The following TIMP3 variants were observed in gnomAD, a reference collection of about 807,000 sequenced individuals.
The protein encoded by TIMP3 is metalloproteinase inhibitor 3.
A neutral mutation model predicts 30.0 loss-of-function variants in TIMP3; 11 were observed. That is an observed-to-expected ratio of 0.37 (90% confidence interval 0.23 to 0.61). TIMP3 has a LOEUF of 0.61. Ranked by LOEUF, TIMP3 falls within the 20% of genes least tolerant of loss-of-function variation. TIMP3 has a pLI of 0.70. For missense variants in TIMP3, 181 were observed against 276.8 expected (o/e 0.65, Z 2.45); for synonymous variants, 112 against 111.3 (o/e 1.01, Z -0.04).
chr22:32,840,379 C>A (rs546699983), intron 1 of TIMP3, among the ~76,000 whole-genome samples: 1 of 152,102 alleles, frequency 6.6e-6, no homozygotes, highest in African/African-American at 2.4e-5. Context: ...ACGAAAAGGG[C>A]CTTTGAAACG....
At chr22:32,822,364 T>C (rs1380466661) in intron 1 of TIMP3, among the ~76,000 whole-genome samples, 4 of 152,110 alleles carry the variant, frequency 2.6e-5, no homozygotes, top group Admixed American at 2.0e-4. Context: ...GTCCCTGGAC[T>C]TGGCAGAGCA....
intron 2 of TIMP3, among the ~76,000 whole-genome samples, chr22:32,856,280 G>A (rs901368563): frequency 1.4e-4 from 12 of 82,902 alleles, no homozygotes; most frequent in African/African-American, 6.3e-4. Flanking sequence ...TGTCAGACAT[G>A]TGTAGCCGAA....
intron 1 of TIMP3, among the ~76,000 whole-genome samples, chr22:32,835,291 T>A: frequency 6.6e-6 from 1 of 152,194 alleles, no homozygotes; most frequent in East Asian, 1.9e-4. Flanking sequence ...CTGTGAGATG[T>A]TGCGGTTAGA....
intron 1 of TIMP3, among the ~76,000 whole-genome samples, chr22:32,848,905 G>A (rs2048142730): frequency 6.6e-6 from 1 of 152,146 alleles, no homozygotes; most frequent in South Asian, 2.1e-4. Context: ...TCTAAGCACT[G>A]GATACCAAGG....
At chr22:32,814,141 T>TGA (rs1205873097) in intron 1 of TIMP3, among the ~76,000 whole-genome samples, 28 of 98,540 alleles carry the variant, frequency 2.8e-4, no homozygotes, top group African/African-American at 9.1e-4. Flanking sequence ...TGTGTGTGTG[T>TGA]GAGAGAGAGA....
At chr22:32,821,553 C>T (rs1337394378) in intron 1 of TIMP3, among the ~76,000 whole-genome samples, 1 of 152,152 alleles carries the variant, frequency 6.6e-6, no homozygotes, top group Non-Finnish European at 1.5e-5. Context: ...GACCTGTCTG[C>T]CCTGGTCTTC....
chr22:32,859,434 A>G lies in TIMP3; in HGVS notation c.*57A>G, dbSNP rs1346742476. The G allele has an allele frequency of 1.9e-6, 3 of 1,560,376 alleles. No homozygotes were observed. The highest frequency in any genetic ancestry group is 2.7e-5 in the African/African-American group (2 of 73,848). On this transcript the variant is annotated 3_prime_UTR_variant, in exon 5 of 5. Coordinates refer to ENST00000266085, the MANE Select transcript of TIMP3 (RefSeq NM_000362.5). ...CCTTCCCGCTGAGCTTCCCTTGGAC[A>G]CTAACTCTTCCCAGATGATGACAAT...
intron 1 of TIMP3, among the ~76,000 whole-genome samples, chr22:32,818,772 T>G (rs1446663346): frequency 6.6e-6 from 1 of 152,172 alleles, no homozygotes; most frequent in Non-Finnish European, 1.5e-5. Context: ...TGCTTCCACC[T>G]GGATCTGGAG....
chr22:32,819,414 C>T (rs1226260831), intron 1 of TIMP3, among the ~76,000 whole-genome samples: 1 of 152,236 alleles, frequency 6.6e-6, no homozygotes, highest in African/African-American at 2.4e-5. Context: ...AAGGGTGTAT[C>T]TCATTTTTTA....
At chr22:32,841,511 C>G (rs1158864457) in intron 1 of TIMP3, among the ~76,000 whole-genome samples, 2 of 152,098 alleles carry the variant, frequency 1.3e-5, no homozygotes, top group Non-Finnish European at 2.9e-5. Flanking sequence ...TTAAGAAGGC[C>G]ATGAGAGCCC....
At position 32,836,471 on chromosome 22, in the gene TIMP3, C is replaced by T. The variant is rs542391963; in HGVS notation, c.122-12981C>T. ...TACCCACTTTGACCAAAGAGGGCAG[C>T]AGTTAGCATTCTTTACTTATTTATT... On this transcript the variant is annotated intron_variant, in intron 1 of 4. Coordinates refer to ENST00000266085, the MANE Select transcript of TIMP3 (RefSeq NM_000362.5). 3.3e-5 allele frequency among the ~76,000 whole-genome samples: 5 copies of T among 152,350 alleles called. No individual in the cohort carries two copies. The East Asian group carries it at 9.6e-4, about 29-fold the overall frequency.
Position 32,859,684 on chromosome 22 carries a change from G to A in TIMP3, c.*307G>A. 2.8e-6 allele frequency: 1 copy of A among 359,632 alleles called. No individual in the cohort carries two copies. Among genetic ancestry groups the A allele is most frequent in the Non-Finnish European group, 5.0e-6 (1 of 198,722 alleles). The allele number at this position is 359,632 out of a possible 1,614,324, so 22.3% of individuals were successfully genotyped here. A position where few individuals can be genotyped will look rare whatever the true frequency, so the allele number is the denominator to read the frequency against. ...TGATAATATAATCTCTATTTTTTTAGGAAAACAAAAATGAAAAACTACTCC... is the reference window on the plus strand; with the variant it reads ...TGATAATATAATCTCTATTTTTTTAAGAAAACAAAAATGAAAAACTACTCC... On this transcript the variant is annotated 3_prime_UTR_variant, in exon 5 of 5. Coordinates refer to ENST00000266085, the MANE Select transcript of TIMP3 (RefSeq NM_000362.5).
intron 1 of TIMP3, among the ~76,000 whole-genome samples, chr22:32,841,860 T>A (rs1401201535): frequency 6.6e-6 from 1 of 151,472 alleles, no homozygotes; most frequent in Non-Finnish European, 1.5e-5. Context: ...ACAATTTGTT[T>A]AAAAAAAAAG....
At chr22:32,814,337 A>C (rs926272574) in intron 1 of TIMP3, among the ~76,000 whole-genome samples, 1 of 25,880 alleles carries the variant, frequency 3.9e-5, no homozygotes, top group African/African-American at 1.6e-4. Context: ...GAAAGAAAGA[A>C]AGAGAAAGAA....
intron 4 of TIMP3, 103 bp downstream of exon 4, chr22:32,858,241 G>A (rs1432157617): frequency 3.3e-6 from 5 of 1,530,156 alleles, no homozygotes; most frequent in Middle Eastern, 1.8e-4. Context: ...GCTGGGAAGG[G>A]TATGCATGTG....
At chr22:32,840,645 C>T (rs544457428) in intron 1 of TIMP3, among the ~76,000 whole-genome samples, 16 of 152,206 alleles carry the variant, frequency 1.1e-4, no homozygotes, top group African/African-American at 3.9e-4. Context: ...GCCGCCCCCT[C>T]CGCCCCCCAC....
intron 1 of TIMP3, among the ~76,000 whole-genome samples, chr22:32,818,944 T>G (rs1236744511): frequency 6.6e-6 from 1 of 152,168 alleles, no homozygotes; most frequent in Non-Finnish European, 1.5e-5. Context: ...CAGCTACTCC[T>G]CGCCCCCTCC....
At position 32,837,737 on chromosome 22, in the gene TIMP3, A is replaced by G. The variant is rs1247213499; in HGVS notation, c.122-11715A>G. 6.6e-6 allele frequency among the ~76,000 whole-genome samples: 1 copy of G among 152,096 alleles called. No individual in the cohort carries two copies. The highest frequency in any genetic ancestry group is 1.5e-5 in the Non-Finnish European group (1 of 68,026). On this transcript the variant is annotated intron_variant, in intron 1 of 4. Coordinates refer to ENST00000266085, the MANE Select transcript of TIMP3 (RefSeq NM_000362.5). The surrounding 1 kb of genome is among the most constrained non-coding windows in gnomAD (Gnocchi z 4.1). The stretch of plus-strand genomic sequence containing the variant: ...AAAGTCTATGGGCAGTGACAGAGTG[A>G]TAAGTCTTTATCACTAGCCTCAGGG...
At chr22:32,807,611 A>T (rs1408008913) in intron 1 of TIMP3, among the ~76,000 whole-genome samples, 1 of 149,926 alleles carries the variant, frequency 6.7e-6, no homozygotes, top group Non-Finnish European at 1.5e-5. Context: ...AGCTGAGGAA[A>T]CTGAGGCTTA....
Sources: gnomAD v4.1 joint callset for allele counts (sites outside exome capture counted in the v4.1 genomes callset) on GRCh38, gnomAD v4.1.1 for gene constraint, Gnocchi (gnomAD v3.1) non-coding constraint, MANE v1.5 for transcripts, NCBI Gene and HGNC (gene_info 2026-07-23, HGNC 2026-07-21) for gene names.